Variants in PABPN1L observed in about 807,000 individuals in gnomAD.
PABPN1L encodes PABPN1 like, cytoplasmic.
A neutral mutation model predicts 34.0 loss-of-function variants in PABPN1L; 45 were observed. The ratio of observed to expected loss-of-function variants is 1.32; its 90% confidence interval spans 1.04 to 1.70. PABPN1L has a LOEUF of 1.70. PABPN1L is among the 40% of genes most tolerant of loss of function. The pLI is 0.00. For synonymous variants in PABPN1L, 182 were observed against 152.1 expected (o/e 1.20, Z -1.45); for missense variants, 459 against 367.8 (o/e 1.25, Z -2.03).
At chr16:88,868,224 G>C (rs1232181436), upstream of PABPN1L, among the ~76,000 whole-genome samples, 2 of 152,174 alleles carry the variant, frequency 1.3e-5, no homozygotes, top group African/African-American at 4.8e-5. Flanking sequence ...AATCAGTTTA[G>C]AGGTGTATCT....
At chr16:88,863,470 C>A in exon 7 of PABPN1L, 1 of 556,926 alleles carries the variant, frequency 1.8e-6, no homozygotes, top group East Asian at 3.0e-5. Context: ...TGGGACTCTG[C>A]TCCTCCCCTC....
chr16:88,868,587 C>T (rs897603608), upstream of PABPN1L, among the ~76,000 whole-genome samples: 2 of 151,620 alleles, frequency 1.3e-5, no homozygotes, highest in Admixed American at 1.3e-4. Flanking sequence ...GCCTGGGCGA[C>T]GGAGTGAGAC....
chr16:88,865,612 G>T, exon 3 of PABPN1L: 2 of 1,609,828 alleles, frequency 1.2e-6, no homozygotes, highest in South Asian at 1.1e-5. Flanking sequence ...CTCCTCGGGG[G>T]TCCCAGAGAG....
chr16:88,866,495 C>T, exon 1 of PABPN1L: 1 of 1,551,384 alleles, frequency 6.4e-7, no homozygotes, highest in East Asian at 2.4e-5. Flanking sequence ...CCCAGAATCT[C>T]CTTGGTCTCG....
At position 88,865,037 on chromosome 16, in the gene PABPN1L, G is replaced by C. The variant is rs375109044; in HGVS notation, c.551C>G (p.Ser184Cys). 134 of 1,600,780 alleles carry C rather than the reference G, an allele frequency of 8.4e-5. No homozygotes were observed. Among genetic ancestry groups the C allele is most frequent in the Non-Finnish European group, 1.0e-4 (118 of 1,174,344 alleles). ...CCACACTGACCCCTTGGGGTGTCCA[G>C]AGAACTTGTCACACAGGATCGTGAC... is the stretch of plus-strand genomic sequence containing the variant. Residue 184 changes from serine to cysteine, a missense_variant, in exon 4 of 7, where the codon TCT becomes TGT. Coordinates refer to ENST00000419291, the Ensembl canonical transcript of PABPN1L.
chr16:88,865,840 G>A lies in PABPN1L; in HGVS notation c.357C>T (p.Thr119=), dbSNP rs115010391. The A allele has an allele frequency of 2.2e-3, 3,461 of 1,609,460 alleles. 68 individuals carry two copies. The African/African-American group carries it at 0.039, about 18-fold the overall frequency. ...CAGGGCTCAGCAGCTGCCCGGCCGC[G>A]GTGCCCTCCTCTTCCTCGGCCTGTT... Residue 119 remains threonine (T), a synonymous_variant, in exon 2 of 7, where the codon ACC becomes ACT. Coordinates refer to ENST00000419291, the Ensembl canonical transcript of PABPN1L.
upstream of PABPN1L, among the ~76,000 whole-genome samples, chr16:88,869,051 A>G (rs576854269): frequency 1.2e-4 from 19 of 152,344 alleles, no homozygotes; most frequent in African/African-American, 4.1e-4. Context: ...GAGGAGGCAC[A>G]GGCTTCTTCA....
chr16:88,865,620 G>C (rs1194271712), exon 3 of PABPN1L: 2 of 1,609,088 alleles, frequency 1.2e-6, no homozygotes, highest in East Asian at 4.5e-5. Flanking sequence ...GGGTCCCAGA[G>C]AGGGGGCAGC....
chr16:88,868,056 T>G (rs981979998), upstream of PABPN1L, among the ~76,000 whole-genome samples: 1 of 152,100 alleles, frequency 6.6e-6, no homozygotes. Context: ...TGCTGCACCA[T>G]GCACCACCCA....
exon 1 of PABPN1L, chr16:88,866,559 G>C: frequency 6.4e-7 from 1 of 1,553,036 alleles, no homozygotes; most frequent in Non-Finnish European, 8.7e-7. Flanking sequence ...TCTGGAGCCA[G>C]GCCTGAGTCG....
exon 7 of PABPN1L, chr16:88,863,436 A>G (rs1968493207): frequency 3.9e-6 from 2 of 508,770 alleles, no homozygotes; most frequent in East Asian, 3.4e-5. Context: ...GAGCATGCCA[A>G]CCCCAAGCTG....
Position 88,866,078 on chromosome 16 carries a change from T to C in PABPN1L, c.256-137A>G, listed in dbSNP as rs998743482. On this transcript the variant is annotated intron_variant, in intron 1 of 6. Coordinates refer to ENST00000419291, the Ensembl canonical transcript of PABPN1L. The stretch of plus-strand genomic sequence containing the variant: ...TTCTCTGGACAGGGACACTCCTTCC[T>C]GGGGCAGCTGGCTGGGGATGAACTC... 4 of 1,364,682 alleles carry C rather than the reference T, an allele frequency of 2.9e-6. No homozygotes were observed. In the African/African-American group the frequency reaches 5.8e-5, roughly 20 times the overall value. 84.5% of individuals were successfully genotyped at this position (1,364,682 alleles called of 1,614,324 possible).
At position 88,866,543 on chromosome 16, in the gene PABPN1L, A is replaced by C. The variant is rs1339242997; in HGVS notation, c.64T>G (p.Ser22Ala). Residue 22 changes from serine (S) to alanine (A), a missense_variant, in exon 1 of 7, where the codon TCC becomes GCC. By Grantham distance (99) the Ser-to-Ala change is moderately conservative. Transcript: ENST00000419291. ...CAGCCCTGGGCCTCAGGGTCTGAGG[A>C]GACCGTCTGGAGCCAGGCCTGAGTC... The C allele has an allele frequency of 1.9e-6, 3 of 1,551,592 alleles. No homozygotes were observed. The African/African-American group carries it at 4.1e-5, about 21-fold the overall frequency.
exon 7 of PABPN1L, chr16:88,863,745 G>C: frequency 6.5e-7 from 1 of 1,535,982 alleles, no homozygotes; most frequent in East Asian, 2.4e-5. Flanking sequence ...TCTCAAAATC[G>C]GGTCTTCCCT....
upstream of PABPN1L, among the ~76,000 whole-genome samples, chr16:88,867,282 C>T (rs1389318640): frequency 6.7e-6 from 1 of 149,104 alleles, no homozygotes; most frequent in Admixed American, 6.8e-5. Context: ...GTCTGGAGTG[C>T]GGTGGCGCGA....
At chr16:88,865,488 T>G in intron 3 of PABPN1L, 75 bp downstream of exon 3, 1 of 1,542,276 alleles carries the variant, frequency 6.5e-7, no homozygotes, top group Non-Finnish European at 8.8e-7. Context: ...GCCTGGCCCA[T>G]GGCCGGGCGC....
At chr16:88,869,725 C>T (rs1429025290), upstream of PABPN1L, among the ~76,000 whole-genome samples, 11 of 152,274 alleles carry the variant, frequency 7.2e-5, no homozygotes, top group African/African-American at 9.6e-5. Context: ...CTGCTGGACT[C>T]GGCCCAGGCC....
chr16:88,866,626 G>T (rs896772645), upstream of PABPN1L: 3 of 1,519,134 alleles, frequency 2.0e-6, no homozygotes, highest in Non-Finnish European at 8.8e-7. Flanking sequence ...GCAGGAGGAA[G>T]GTGGGCCAGG....
intron 6 of PABPN1L, 98 bp downstream of exon 6, chr16:88,864,139 G>T: frequency 7.1e-7 from 1 of 1,409,404 alleles, no homozygotes; most frequent in Middle Eastern, 2.6e-4. Context: ...GTACATTCCT[G>T]CAGCCCCATG....
Sources: allele counts gnomAD v4.1 joint callset (sites outside exome capture counted in the v4.1 genomes callset), GRCh38; gene constraint gnomAD v4.1.1; transcripts MANE v1.5; gene names NCBI Gene and HGNC (gene_info 2026-07-23, HGNC 2026-07-21).